Variants in MYOM2 observed in about 807,000 individuals in gnomAD.
The protein encoded by MYOM2 is myomesin-2.
MYOM2 carries 254 observed loss-of-function variants against 187.6 expected under a neutral mutation model. That is an observed-to-expected ratio of 1.35 (90% CI 1.22 to 1.50). The LOEUF is 1.50. MYOM2 is among the 40% of genes most tolerant of loss of function. The pLI is 0.00. For missense variants in MYOM2, 2,796 were observed against 1,924.0 expected (o/e 1.45, Z -8.48); for synonymous variants, 981 against 753.8 (o/e 1.30, Z -4.94).
At position 2,057,465 on chromosome 8, in the gene MYOM2, C is replaced by T. The variant is rs749102246; in HGVS notation, c.381C>T (p.Asp127=). ...LARSQARDKL[D]KYAIQQMMED... ...GCTCCCAGGCCCGCGACAAGCTGGA[C>T]AAATACGCCATTCAGCAGATGGTAG... Residue 127 remains aspartate (D), a synonymous_variant, in exon 4 of 37, where the codon GAC becomes GAT. Transcript: ENST00000262113. 1.2e-6 allele frequency: 2 copies of T among 1,614,078 alleles called. No individual in the cohort carries two copies. Among genetic ancestry groups the T allele is most frequent in the Non-Finnish European group, 8.5e-7 (1 of 1,179,994 alleles).
intron 10 of MYOM2, among the ~76,000 whole-genome samples, chr8:2,074,944 T>A (rs887034533): frequency 3.3e-5 from 5 of 152,334 alleles, no homozygotes; most frequent in African/African-American, 1.2e-4. Flanking sequence ...CCCGGCTCCA[T>A]CCCGATCAGC....
At chr8:2,135,389 T>G (rs937259639) in intron 32 of MYOM2, among the ~76,000 whole-genome samples, 7 of 152,214 alleles carry the variant, frequency 4.6e-5, no homozygotes, top group Non-Finnish European at 7.3e-5. Context: ...GTATTTTGTT[T>G]TGGGTTCCCC....
intron 17 of MYOM2, among the ~76,000 whole-genome samples, chr8:2,095,057 G>A (rs945296255): frequency 7.9e-5 from 12 of 152,178 alleles, no homozygotes; most frequent in African/African-American, 2.2e-4. Context: ...TATGTGGCTC[G>A]TTGATGATTT....
chr8:2,141,151 A>G lies in MYOM2; in HGVS notation c.3975A>G (p.Glu1325=). Residue 1325 remains glutamate (E), a synonymous_variant, in exon 34 of 37, where the codon GAA becomes GAG. Coordinates refer to ENST00000262113, the MANE Select transcript of MYOM2 (RefSeq NM_003970.4). ...SLDLSGQAFD[E]AFAEFQQFKA... ...ACTATTTCCTCACAGCTTTTGATGA[A>G]GCATTTGCAGAATTCCAGCAATTCA... 2 of 1,612,106 alleles carry G rather than the reference A, an allele frequency of 1.2e-6. No individual in the cohort carries two copies. Among genetic ancestry groups the G allele is most frequent in the Non-Finnish European group, 1.7e-6 (2 of 1,178,552 alleles).
chr8:2,066,385 C>A (rs1056334409), intron 6 of MYOM2, among the ~76,000 whole-genome samples: 3 of 152,200 alleles, frequency 2.0e-5, no homozygotes, highest in Non-Finnish European at 4.4e-5. Context: ...CATTCGAATC[C>A]TTCCAGCGGT....
intron 19 of MYOM2, 55 bp from the exon 20 acceptor site, chr8:2,100,821 T>G (rs1331922205): frequency 2.5e-6 from 4 of 1,585,494 alleles, no homozygotes; most frequent in Non-Finnish European, 2.6e-6. Context: ...GGTTGGGCGG[T>G]GGGTGTGCTG....
At chr8:2,142,509 A>T in intron 35 of MYOM2, 112 bp downstream of exon 35, 1 of 1,072,092 alleles carries the variant, frequency 9.3e-7, no homozygotes, top group East Asian at 2.4e-5. Flanking sequence ...GCAATCCCCC[A>T]CCCTGATGTA....
Position 2,085,681 on chromosome 8 carries a change from C to T in MYOM2, c.1644+291C>T, listed in dbSNP as rs1334034205. On this transcript the variant is annotated intron_variant, in intron 14 of 36. Coordinates refer to ENST00000262113, the MANE Select transcript of MYOM2 (RefSeq NM_003970.4). The stretch of plus-strand genomic sequence containing the variant: ...CGTGATCTCTGCGTGGCCCCACTGT[C>T]GTGATCTCTGCGTGGCCCCCCACTG... Among the ~76,000 whole-genome samples the T allele has an allele frequency of 2.7e-3, 35 of 12,908 alleles. 3 individuals carry two copies. The highest frequency in any genetic ancestry group is 0.013 in the East Asian group (2 of 150). The allele number at this position is 12,908 out of a possible 152,430, so 8.5% of individuals were successfully genotyped here.
intron 18 of MYOM2, chr8:2,097,973 CCCTCA>C (rs1256619407): frequency 0.4 from 61,163 of 151,796 alleles, 12,748 homozygotes; most frequent in East Asian, 0.54. Flanking sequence ...CGGCACCCGC[CCCTCA>C]GCTCCCTGTC....
chr8:2,073,472 C>T lies in MYOM2; in HGVS notation c.1092C>T (p.Ser364=), dbSNP rs201512601. Residue 364 remains serine, a synonymous_variant, in exon 10 of 37, where the codon AGC becomes AGT. Coordinates refer to ENST00000262113, the MANE Select transcript of MYOM2 (RefSeq NM_003970.4). ...TLRIVSRGGV[S]DHSAFLFVRD... The stretch of plus-strand genomic sequence containing the variant: ...GCATCGTGTCTCGGGGCGGCGTCAG[C>T]GACCACAGCGCCTTCCTGTTTGTCA... The T allele has an allele frequency of 2.8e-4, 446 of 1,607,586 alleles. 1 individual carries two copies. Among genetic ancestry groups the T allele is most frequent in the Non-Finnish European group, 3.4e-4 (405 of 1,179,260 alleles).
chr8:2,059,985 A>C (rs907781354), intron 6 of MYOM2, among the ~76,000 whole-genome samples: 2 of 152,136 alleles, frequency 1.3e-5, no homozygotes, highest in African/African-American at 4.8e-5. Flanking sequence ...CATGTGATCC[A>C]CCTGCCTCGG....
At chr8:2,053,076 C>T (rs1478781424) in intron 3 of MYOM2, among the ~76,000 whole-genome samples, 2 of 152,088 alleles carry the variant, frequency 1.3e-5, no homozygotes, top group African/African-American at 4.8e-5. Context: ...GTATTTTTTC[C>T]CTCATCTCCC....
rs1357055503 is a variant in MYOM2 at position 2,097,587 on chromosome 8, T to A, written c.2313+1153T>A. ...TGGAGTGCAGTGGCACGATCTCGGC[T>A]CACTGCAAGCTCCGCCTCCTGGGTT... is the stretch of plus-strand genomic sequence containing the variant. On this transcript the variant is annotated intron_variant, in intron 18 of 36. Coordinates refer to ENST00000262113, the MANE Select transcript of MYOM2 (RefSeq NM_003970.4). 3.3e-5 allele frequency among the ~76,000 whole-genome samples: 5 copies of A among 152,276 alleles called. No individual in the cohort carries two copies. In the East Asian group the frequency reaches 9.7e-4, roughly 29 times the overall value.
At chr8:2,061,803 C>T (rs1316603069) in intron 6 of MYOM2, among the ~76,000 whole-genome samples, 1 of 152,250 alleles carries the variant, frequency 6.6e-6, no homozygotes, top group South Asian at 2.1e-4. Context: ...AGCTCTCCTT[C>T]TGGCGGGCTC....
intron 1 of MYOM2, among the ~76,000 whole-genome samples, chr8:2,046,277 A>C (rs561056612): frequency 6.6e-6 from 1 of 152,334 alleles, no homozygotes; most frequent in East Asian, 1.9e-4. Flanking sequence ...TGTTTGCAGG[A>C]AGGAATTAGG....
At position 2,090,115 on chromosome 8, in the gene MYOM2, A is replaced by G. The variant is rs1362902775; in HGVS notation, c.1752A>G (p.Arg584=). Residue 584 remains arginine (R), a synonymous_variant, in exon 15 of 37, where the codon CGA becomes CGG. Coordinates refer to ENST00000262113, the MANE Select transcript of MYOM2 (RefSeq NM_003970.4). ...TGGAAGGGAAGTCTTATGTGTTCCG[A>G]GTGCTGTCAGCAAACCGGCATGGCC... ...DLMEGKSYVF[R]VLSANRHGLS... is the part of the protein sequence containing the mutation. The G allele has an allele frequency of 1.2e-6, 2 of 1,613,866 alleles. No homozygotes were observed. Among genetic ancestry groups the G allele is most frequent in the African/African-American group, 2.7e-5 (2 of 74,854 alleles).
Position 2,078,716 on chromosome 8 carries a change from T to G in MYOM2, c.1263-18T>G. 6.2e-7 allele frequency: 1 copy of G among 1,613,652 alleles called. No individual in the cohort carries two copies. The highest frequency in any genetic ancestry group is 1.7e-4 in the Middle Eastern group (1 of 6,060). Reference sequence around the variant, plus strand: ...CACATTTGCTATTCTCTGTTGTTTTTCTTTTTTTAACTTGAAGATGTGAAG... The same window carrying G: ...CACATTTGCTATTCTCTGTTGTTTTGCTTTTTTTAACTTGAAGATGTGAAG... On this transcript the variant is annotated intron_variant, in intron 11 of 36. Transcript: ENST00000262113.
At chr8:2,112,908 T>G (rs1797114337) in intron 25 of MYOM2, among the ~76,000 whole-genome samples, 1 of 152,242 alleles carries the variant, frequency 6.6e-6, no homozygotes, top group African/African-American at 2.4e-5. Context: ...TGACGGAGTC[T>G]TCTCCCGCTA....
chr8:2,124,157 G>A (rs759542903), intron 30 of MYOM2, 22 bp from the exon 31 acceptor site: 90 of 1,607,734 alleles, frequency 5.6e-5, no homozygotes, highest in Non-Finnish European at 7.2e-5. Context: ...TCGTAATGGT[G>A]CGTATCCCTT....
Sources: gnomAD v4.1 joint callset for allele counts (sites outside exome capture counted in the v4.1 genomes callset) on GRCh38, gnomAD v4.1.1 for gene constraint, MANE v1.5 for transcripts, NCBI Gene and HGNC (gene_info 2026-07-23, HGNC 2026-07-21) for gene names.